Variants in NOS3 observed in about 807,000 individuals in gnomAD.
The protein encoded by NOS3 is nitric oxide synthase 3.
A neutral mutation model predicts 144.9 loss-of-function variants in NOS3; 98 were observed. That is an observed-to-expected ratio of 0.68 (90% CI 0.57 to 0.80). The LOEUF is 0.80. Among genes scored for constraint, NOS3 ranks in the 30% least tolerant of loss-of-function variants. The pLI, the probability that NOS3 is intolerant of heterozygous loss-of-function variation, is 0.00. For synonymous variants in NOS3, 714 were observed against 702.4 expected, an observed-to-expected ratio of 1.02 and a Z score of -0.26; for missense variants, 1,465 against 1,656.4, an observed-to-expected ratio of 0.88 and a Z score of 2.01.
chr7:151,001,582 C>T lies in NOS3; in HGVS notation c.1467C>T (p.Gly489=). Residue 489 remains glycine (G), a synonymous_variant, in exon 12 of 27, where the codon GGC becomes GGT. Coordinates refer to ENST00000297494, the MANE Select transcript of NOS3 (RefSeq NM_000603.5). Reference sequence around the variant, plus strand: ...AGGGGAGTGCCGCCAAGGGCACCGGCATCACCAGGAAGAAGACCTTTAAAG... The same window carrying T: ...AGGGGAGTGCCGCCAAGGGCACCGGTATCACCAGGAAGAAGACCTTTAAAG... The part of the protein sequence containing the change: ...PWKGSAAKGT[G]ITRKKTFKEV... The T allele has an allele frequency of 6.2e-7, 1 of 1,614,054 alleles. No homozygotes were observed.
At chr7:151,011,611 CA>C (rs371264947) in intron 23 of NOS3, among the ~76,000 whole-genome samples, 86,155 of 126,742 alleles carry the variant, frequency 0.68, 29,388 homozygotes, top group South Asian at 0.82. Flanking sequence ...GACTCTGTCT[CA>C]AAAAAAAAAA....
In NOS3 at chr7:150,998,675, A is replaced by G. The variant is rs777881232; in HGVS notation, c.811A>G (p.Thr271Ala). The G allele has an allele frequency of 6.2e-7, 1 of 1,606,002 alleles. No individual in the cohort carries two copies. Among genetic ancestry groups the G allele is most frequent in the South Asian group, 1.1e-5 (1 of 89,852 alleles). ...GGGGGACCCAGCCAACGTGGAGATC[A>G]CCGAGGTGGGCACCGAGGGCCACCC... The part of the protein sequence containing the change: ...VRGDPANVEI[T>A]ELCIQHGWTP... The change falls in exon 7 of 27, where the codon ACC becomes GCC. Residue 271 changes from threonine to alanine, a missense_variant. By Grantham distance (58) the Thr-to-Ala change is moderately conservative. Around this residue, in one of 5 missense-constraint regions of NOS3, gnomAD observed 374 missense variants for 377.0 expected, o/e 0.99. Transcript: ENST00000297494. This position sits in a 1 kb window ranked among gnomAD's most constrained non-coding sequence, Gnocchi z 5.0.
Position 151,010,587 on chromosome 7 carries a change from G to T in NOS3, c.2686-10G>T. 2 of 1,561,306 alleles carry T rather than the reference G, an allele frequency of 1.3e-6. No individual in the cohort carries two copies. Among genetic ancestry groups the T allele is most frequent in the South Asian group, 2.4e-5 (2 of 83,982 alleles). On this transcript the variant is annotated splice_polypyrimidine_tract_variant and intron_variant, in intron 21 of 26. Transcript: ENST00000297494. ...TGGGGCCTCCAACCCACTGCATCCT[G>T]CCCCGCCAGGATCCCCGACGCTACG...
Position 150,993,721 on chromosome 7 carries a change from C to T in NOS3, c.-51-32C>T, listed in dbSNP as rs1802304731. The T allele has an allele frequency of 3.5e-6, 5 of 1,415,262 alleles. No homozygotes were observed. Among genetic ancestry groups the T allele is most frequent in the Non-Finnish European group, 4.8e-6 (5 of 1,047,214 alleles). The allele number at this position is 1,415,262 out of a possible 1,614,324, so 87.7% of individuals were successfully genotyped here. On this transcript the variant is annotated intron_variant, in intron 1 of 26. Coordinates refer to ENST00000297494, the MANE Select transcript of NOS3 (RefSeq NM_000603.5). This position sits in a 1 kb window ranked among gnomAD's most constrained non-coding sequence, Gnocchi z 4.0. Reference sequence around the variant, plus strand: ...GCACTGGAGAGCCCCCTCCCACTGCCCCCTCCTCTCGGTCCCCTCCCTCTT... The same window carrying T: ...GCACTGGAGAGCCCCCTCCCACTGCTCCCTCCTCTCGGTCCCCTCCCTCTT...
Position 150,993,209 on chromosome 7 carries a change from C to T in NOS3, c.-51-544C>T, listed in dbSNP as rs894943672. The stretch of plus-strand genomic sequence containing the variant: ...ACTCAAGGACAAAAAGTCACTACAT[C>T]CTTGCTGGGCCTCTATCCCCAAGAA... On this transcript the variant is annotated intron_variant, in intron 1 of 26. Transcript: ENST00000297494. This position sits in a 1 kb window ranked among gnomAD's most constrained non-coding sequence, Gnocchi z 4.0. Among the ~76,000 whole-genome samples the T allele has an allele frequency of 1.2e-4, 18 of 152,170 alleles. No homozygotes were observed. Among genetic ancestry groups the T allele is most frequent in the Middle Eastern group, 3.2e-3 (1 of 316 alleles).
In NOS3 at chr7:150,998,276, C is replaced by T; in HGVS notation, c.583-81C>T. ...GTGAACCATGGCCCCTGCCTCCTCA[C>T]CAGCAGCTCCTCTGGAGCTGATACT... On this transcript the variant is annotated intron_variant, in intron 5 of 26. Coordinates refer to ENST00000297494, the MANE Select transcript of NOS3 (RefSeq NM_000603.5). This position sits in a 1 kb window ranked among gnomAD's most constrained non-coding sequence, Gnocchi z 5.0. The T allele has an allele frequency of 7.7e-7, 1 of 1,290,918 alleles. No individual in the cohort carries two copies. Among genetic ancestry groups the T allele is most frequent in the Non-Finnish European group, 1.1e-6 (1 of 913,710 alleles). The allele number at this position is 1,290,918 out of a possible 1,614,324, so 80.0% of individuals were successfully genotyped here.
In NOS3 at chr7:150,996,595, G is replaced by C. The variant is rs534873019; in HGVS notation, c.419+43G>C. ...GCCACAGCCTCCCTTGTCCCACTGA[G>C]GCCCCAGAAACCCCGTGACGACCTT... On this transcript the variant is annotated intron_variant, in intron 4 of 26. Transcript: ENST00000297494. The C allele has an allele frequency of 3.6e-4, 555 of 1,562,040 alleles. 3 individuals carry two copies. In the East Asian group the frequency reaches 0.01, roughly 29 times the overall value.
In NOS3 at chr7:151,009,058, G is replaced by A. The variant is rs757509271; in HGVS notation, c.2241G>A (p.Leu747=). ...CCCAGGCCGAGGGCCTGCAGTTGCT[G>A]CCAGGTGGGCCCTGCCCTCACCCTA... The part of the protein sequence containing the change: ...LSAQAEGLQL[L]PGLIHVHRRK... Residue 747 remains leucine, a synonymous_variant, in exon 18 of 27, where the codon CTG becomes CTA. Transcript: ENST00000297494. 7.4e-6 allele frequency: 12 copies of A among 1,612,724 alleles called. No individual in the cohort carries two copies. The highest frequency in any genetic ancestry group is 1.3e-5 in the African/African-American group (1 of 74,886).
intron 15 of NOS3, 80 bp from the exon 16 acceptor site, chr7:151,006,809 G>C: frequency 1.8e-6 from 2 of 1,137,072 alleles, no homozygotes; most frequent in Non-Finnish European, 2.7e-6. Flanking sequence ...AGACCCTGAA[G>C]CCGTCCCTGG....
intron 2 of NOS3, 71 bp from the exon 3 acceptor site, chr7:150,995,132 T>C (rs1277444677): frequency 3.6e-6 from 3 of 836,940 alleles, no homozygotes. Flanking sequence ...AACAGGGGCC[T>C]CCGGGTGACA....
chr7:150,996,383 C>T, intron 3 of NOS3, 21 bp from the exon 4 acceptor site: 1 of 1,474,198 alleles, frequency 6.8e-7, no homozygotes, highest in Non-Finnish European at 9.0e-7. Context: ...CTGTCCTGAC[C>T]TTTGCACTCC....
Position 151,003,601 on chromosome 7 carries a change from A to G in NOS3, c.1752+1297A>G. The stretch of plus-strand genomic sequence containing the variant: ...CTACAGCCTTCACAAGGCATAGCAC[A>G]TTTTCACCACCCTGGAAAGTTCCCT... On this transcript the variant is annotated intron_variant, in intron 14 of 26. Coordinates refer to ENST00000297494, the MANE Select transcript of NOS3 (RefSeq NM_000603.5). The surrounding 1 kb of genome is among the most constrained non-coding windows in gnomAD (Gnocchi z 4.1). 1 of 1,221,156 alleles carries G rather than the reference A, an allele frequency of 8.2e-7. No homozygotes were observed. Among genetic ancestry groups the G allele is most frequent in the South Asian group, 1.3e-5 (1 of 79,278 alleles). The allele number at this position is 1,221,156 out of a possible 1,614,324, so 75.6% of individuals were successfully genotyped here.
Position 151,002,191 on chromosome 7 carries a change from C to A in NOS3, c.1648-9C>A. The stretch of plus-strand genomic sequence containing the variant: ...ACAGCACCCAGGACATCTGTCTTCC[C>A]ACCCACAGGTCCTGTGTATGGATGA... On this transcript the variant is annotated splice_polypyrimidine_tract_variant and intron_variant, in intron 13 of 26. Transcript: ENST00000297494. This position sits in a 1 kb window ranked among gnomAD's most constrained non-coding sequence, Gnocchi z 4.1. The A allele has an allele frequency of 2.5e-6, 4 of 1,571,990 alleles. No homozygotes were observed. The highest frequency in any genetic ancestry group is 2.3e-5 in the East Asian group (1 of 43,810).
Position 150,993,765 on chromosome 7 carries a change from G to T in NOS3, c.-39G>T. Reference sequence around the variant, plus strand: ...CCCTCTTCCTAAGGAAAAGGCCAGGGCTCTGCTGGAGCAGGCAGCAGAGTG... The same window carrying T: ...CCCTCTTCCTAAGGAAAAGGCCAGGTCTCTGCTGGAGCAGGCAGCAGAGTG... On this transcript the variant is annotated 5_prime_UTR_variant, in exon 2 of 27. Transcript: ENST00000297494. The surrounding 1 kb of genome is among the most constrained non-coding windows in gnomAD (Gnocchi z 4.0). The T allele has an allele frequency of 6.4e-7, 1 of 1,567,692 alleles. No individual in the cohort carries two copies.
In NOS3 at chr7:151,002,028, G is replaced by T; in HGVS notation, c.1647+63G>T. ...GGGGGCTCTATCAGCATCTTCAGGG[G>T]TGCCCTGGAGGACAGGAAGTGTTAC... On this transcript the variant is annotated intron_variant, in intron 13 of 26. Transcript: ENST00000297494. The surrounding 1 kb of genome is among the most constrained non-coding windows in gnomAD (Gnocchi z 4.1). The T allele has an allele frequency of 6.3e-7, 1 of 1,583,224 alleles. No homozygotes were observed. Among genetic ancestry groups the T allele is most frequent in the Non-Finnish European group, 8.6e-7 (1 of 1,156,696 alleles).
chr7:150,992,135 C>G (rs1802267556), intron 1 of NOS3, among the ~76,000 whole-genome samples: 2 of 130,166 alleles, frequency 1.5e-5, no homozygotes, highest in African/African-American at 6.5e-5. Context: ...GGTGACAGAG[C>G]AAGACTCTGT....
At chr7:151,005,350 A>G (rs1278140116) in intron 14 of NOS3, among the ~76,000 whole-genome samples, 6 of 152,196 alleles carry the variant, frequency 3.9e-5, no homozygotes, top group African/African-American at 1.2e-4. Context: ...CACCAGATGC[A>G]GTTCCTTCCA....
Position 151,001,237 on chromosome 7 carries a change from A to G in NOS3, c.1240A>G (p.Lys414Glu). Residue 414 changes from lysine to glutamate, a missense_variant, in exon 11 of 27, where the codon AAA becomes GAA. By Grantham distance (56) the Lys-to-Glu change is moderately conservative. Coordinates refer to ENST00000297494, the MANE Select transcript of NOS3 (RefSeq NM_000603.5). The part of the protein sequence containing the change: ...VAVLHSYQLA[K>E]VTIVDHHAAT... ...CCCTCTCTCTCCCTTCCAGCTAGCC[A>G]AAGTCACCATCGTGGACCACCACGC... The G allele has an allele frequency of 6.2e-7, 1 of 1,613,200 alleles. No homozygotes were observed. Among genetic ancestry groups the G allele is most frequent in the Non-Finnish European group, 8.5e-7 (1 of 1,179,922 alleles).
Position 150,998,562 on chromosome 7 carries a change from A to G in NOS3, c.698A>G (p.Gln233Arg). 1.9e-6 allele frequency: 3 copies of G among 1,609,968 alleles called. No individual in the cohort carries two copies. Among genetic ancestry groups the G allele is most frequent in the Non-Finnish European group, 2.5e-6 (3 of 1,178,988 alleles). Reference protein sequence around the residue: ...NLRSAITVFPQRCPGRGDFRI... With the variant: ...NLRSAITVFPRRCPGRGDFRI... ...AGCTCGGCCATCACAGTGTTCCCGC[A>G]GCGCTGCCCTGGCCGAGGAGACTTC... The change falls in exon 7 of 27, where the codon CAG (glutamine) becomes CGG (arginine). Residue 233 changes from glutamine to arginine, a missense_variant. Coordinates refer to ENST00000297494, the MANE Select transcript of NOS3 (RefSeq NM_000603.5). This position sits in a 1 kb window ranked among gnomAD's most constrained non-coding sequence, Gnocchi z 5.0.
Sources: allele counts gnomAD v4.1 joint callset (sites outside exome capture counted in the v4.1 genomes callset), GRCh38; gene constraint gnomAD v4.1.1; regional missense constraint gnomAD v4.1.1; non-coding constraint Gnocchi (gnomAD v3.1); transcripts MANE v1.5; gene names NCBI Gene and HGNC (gene_info 2026-07-23, HGNC 2026-07-21).